DGKI: variants seen among roughly 807,000 people sequenced by gnomAD.
The protein encoded by DGKI is diacylglycerol kinase iota, also known as DAG kinase iota.
DGKI carries 55 observed loss-of-function variants against 147.5 expected under a neutral mutation model. That is an observed-to-expected ratio of 0.37 (90% CI 0.30 to 0.47). The LOEUF is 0.47. Ranked by LOEUF, DGKI falls within the 20% of genes least tolerant of loss-of-function variation. DGKI has a pLI of 1.00. For missense variants in DGKI, 1,007 were observed against 1,323.8 expected, an observed-to-expected ratio of 0.76 and a Z score of 3.71; for synonymous variants, 469 against 477.1, an observed-to-expected ratio of 0.98 and a Z score of 0.22.
At chr7:137,790,352 G>A (rs1417757374) in intron 1 of DGKI, among the ~76,000 whole-genome samples, 3 of 151,964 alleles carry the variant, frequency 2.0e-5, no homozygotes, top group South Asian at 2.1e-4. Flanking sequence ...TTCATGATCC[G>A]AAGACTGACT....
chr7:137,688,203 A>G (rs1160056404), intron 2 of DGKI, among the ~76,000 whole-genome samples: 1 of 152,132 alleles, frequency 6.6e-6, no homozygotes, highest in Non-Finnish European at 1.5e-5. Flanking sequence ...CTTTCTGCCC[A>G]CAGGATTCTA....
At chr7:137,469,418 T>C (rs1357163936) in intron 24 of DGKI, 132 bp downstream of exon 24, 2 of 822,842 alleles carry the variant, frequency 2.4e-6, no homozygotes, top group Non-Finnish European at 3.9e-6. Context: ...CGCATGCCAA[T>C]ACCAGCCATG....
intron 1 of DGKI, among the ~76,000 whole-genome samples, chr7:137,821,398 G>T (rs1797891630): frequency 6.6e-6 from 1 of 151,820 alleles, no homozygotes; most frequent in Non-Finnish European, 1.5e-5. Flanking sequence ...CCTGGTCACA[G>T]ACAGAGAATT....
intron 1 of DGKI, among the ~76,000 whole-genome samples, chr7:137,723,150 C>T (rs1211143624): frequency 1.3e-5 from 2 of 152,146 alleles, no homozygotes; most frequent in Non-Finnish European, 2.9e-5. Flanking sequence ...GATGAAGTAC[C>T]CTCCTCAGGG....
At chr7:137,722,982 G>T in intron 1 of DGKI, 1 of 560,332 alleles carries the variant, frequency 1.8e-6, no homozygotes, top group East Asian at 2.9e-5. Flanking sequence ...TGAGATAAAT[G>T]AATCTACTTC....
At chr7:137,539,253 T>C (rs187193889) in intron 20 of DGKI, among the ~76,000 whole-genome samples, 95 of 152,264 alleles carry the variant, frequency 6.2e-4, no homozygotes, top group Admixed American at 2.1e-3. Context: ...GCCCTGGACA[T>C]GAACACAGTT....
At chr7:137,586,047 C>T (rs1242068225) in intron 13 of DGKI, among the ~76,000 whole-genome samples, 1 of 152,166 alleles carries the variant, frequency 6.6e-6, no homozygotes, top group Admixed American at 6.5e-5. Flanking sequence ...GGTTAATTTG[C>T]CCAAAGGTCA....
chr7:137,735,751 C>A (rs1355414093), intron 1 of DGKI, among the ~76,000 whole-genome samples: 2 of 152,048 alleles, frequency 1.3e-5, no homozygotes, highest in East Asian at 3.9e-4. Context: ...ACTCTTAGTA[C>A]TCCAAATGTA....
intron 23 of DGKI, among the ~76,000 whole-genome samples, chr7:137,484,463 T>C (rs1269501840): frequency 1.3e-5 from 2 of 151,972 alleles, no homozygotes; most frequent in Non-Finnish European, 2.9e-5. Context: ...TTGGAGAGAA[T>C]TGTTGGCATG....
chr7:137,794,915 A>G (rs1447946886), intron 1 of DGKI, among the ~76,000 whole-genome samples: 1 of 152,226 alleles, frequency 6.6e-6, no homozygotes, highest in Non-Finnish European at 1.5e-5. Flanking sequence ...AGAGGAGACA[A>G]GCATCAGACT....
intron 27 of DGKI, among the ~76,000 whole-genome samples, chr7:137,456,034 C>A (rs1432282568): frequency 2.6e-5 from 4 of 152,140 alleles, no homozygotes; most frequent in Non-Finnish European, 5.9e-5. Flanking sequence ...GAGAATGCAG[C>A]CGGGGACCAA....
At chr7:137,524,734 G>A (rs1051269024) in intron 20 of DGKI, among the ~76,000 whole-genome samples, 8 of 152,130 alleles carry the variant, frequency 5.3e-5, no homozygotes, top group Non-Finnish European at 1.2e-4. Context: ...GAGGGGCAGA[G>A]GTTGAATGAA....
intron 6 of DGKI, 76 bp from the exon 7 acceptor site, chr7:137,623,630 A>C (rs76928202): frequency 7.7e-7 from 1 of 1,306,034 alleles, no homozygotes; most frequent in Non-Finnish European, 1.1e-6. Context: ...CTGAAGTGCA[A>C]TGACGTGAAT....
intron 27 of DGKI, among the ~76,000 whole-genome samples, chr7:137,458,379 T>C (rs1291313135): frequency 6.6e-6 from 1 of 152,200 alleles, no homozygotes; most frequent in Non-Finnish European, 1.5e-5. Flanking sequence ...CTGTTTCCCC[T>C]GTGTCTTAGT....
At position 137,846,120 on chromosome 7, in the gene DGKI, T is replaced by TTCTC. The variant is rs1385320356; in HGVS notation, c.401+338_401+341dup. On this transcript the variant is annotated intron_variant, in intron 1 of 32. Transcript: ENST00000614521. The surrounding 1 kb of genome is among the most constrained non-coding windows in gnomAD (Gnocchi z 4.0). ...TAAGCATCACTGAGTCTGCAACCCTTTCTCTCTCTCTCTTTCTCTCTCTCT... is the reference window on the plus strand; with the variant it reads ...TAAGCATCACTGAGTCTGCAACCCTTTCTCTCTCTCTCTCTCTTTCTCTCTCTCT... 2.5e-5 allele frequency among the ~76,000 whole-genome samples: 1 copy of TTCTC among 39,976 alleles called. No individual in the cohort carries two copies. The highest frequency in any genetic ancestry group is 5.7e-5 in the Non-Finnish European group (1 of 17,546). The allele number at this position is 39,976 out of a possible 152,430, so 26.2% of individuals were successfully genotyped here.
At chr7:137,741,275 T>C (rs1029369482) in intron 1 of DGKI, among the ~76,000 whole-genome samples, 8 of 152,250 alleles carry the variant, frequency 5.3e-5, no homozygotes, top group African/African-American at 1.2e-4. Context: ...CGCTCTTCCG[T>C]ACATAAACAT....
chr7:137,683,201 G>A (rs270893), intron 2 of DGKI, among the ~76,000 whole-genome samples: 4 of 151,362 alleles, frequency 2.6e-5, no homozygotes, highest in Non-Finnish European at 5.9e-5. Context: ...TTTAGTTTCC[G>A]CCAAAAGAGA....
chr7:137,480,158 G>C (rs58274406), intron 23 of DGKI, among the ~76,000 whole-genome samples: 4,911 of 152,246 alleles, frequency 0.032, 269 homozygotes, highest in African/African-American at 0.11. Context: ...TCACTCGTAA[G>C]AGACAACAGA....
chr7:137,431,292 G>C (rs1181084784), intron 28 of DGKI, among the ~76,000 whole-genome samples: 1 of 150,572 alleles, frequency 6.6e-6, no homozygotes, highest in Admixed American at 6.6e-5. Flanking sequence ...GTCTTCACTA[G>C]CGAGGGTGAC....
Sources: gnomAD v4.1 joint callset for allele counts (sites outside exome capture counted in the v4.1 genomes callset) on GRCh38, gnomAD v4.1.1 for gene constraint, Gnocchi (gnomAD v3.1) non-coding constraint, MANE v1.5 for transcripts, NCBI Gene and HGNC (gene_info 2026-07-23, HGNC 2026-07-21) for gene names.